APBB1: variants seen among roughly 807,000 people sequenced by gnomAD.
APBB1 encodes the protein adaptor protein FE65a2.
A neutral mutation model predicts 78.4 loss-of-function variants in APBB1; 22 were observed. The ratio of observed to expected loss-of-function variants is 0.28; its 90% confidence interval spans 0.20 to 0.40. The LOEUF (loss-of-function observed/expected upper bound fraction) is 0.40, where lower values mean the gene tolerates loss of function less well. Among genes scored for constraint, APBB1 ranks in the 10% least tolerant of loss-of-function variants. The pLI is 1.00. For missense variants in APBB1, 749 were observed against 932.4 expected, an observed-to-expected ratio of 0.80 and a Z score of 2.56; for synonymous variants, 369 against 372.7, an observed-to-expected ratio of 0.99 and a Z score of 0.12.
At position 6,395,968 on chromosome 11, in the gene APBB1, TGGAG is replaced by T; in HGVS notation, c.1789-10_1789-7del. On this transcript the variant is annotated splice_polypyrimidine_tract_variant and splice_region_variant and intron_variant, in intron 13 of 14. Transcript: ENST00000609360. The surrounding 1 kb of genome is among the most constrained non-coding windows in gnomAD (Gnocchi z 5.2). The stretch of plus-strand genomic sequence containing the variant: ...TCTCCCAGCACTGCCTCTGTCTGCA[TGGAG>T]GGAACTCAGTTAAAAAGGAACACCA... 2 of 1,613,286 alleles carry T rather than the reference TGGAG, an allele frequency of 1.2e-6. No homozygotes were observed. Among genetic ancestry groups the T allele is most frequent in the Non-Finnish European group, 1.7e-6 (2 of 1,179,452 alleles).
At chr11:6,413,373 G>C (rs755646249) in intron 1 of APBB1, among the ~76,000 whole-genome samples, 2 of 152,146 alleles carry the variant, frequency 1.3e-5, no homozygotes, top group Non-Finnish European at 2.9e-5. Context: ...TGTCTTATCT[G>C]AGAGTTCCCT....
intron 1 of APBB1, among the ~76,000 whole-genome samples, chr11:6,417,248 G>A (rs949411158): frequency 2.0e-5 from 3 of 152,110 alleles, no homozygotes; most frequent in Non-Finnish European, 2.9e-5. Context: ...TCTCTAAGCT[G>A]AATTAACTTC....
At chr11:6,406,570 T>A (rs960836672) in intron 2 of APBB1, among the ~76,000 whole-genome samples, 1 of 152,188 alleles carries the variant, frequency 6.6e-6, no homozygotes, top group Non-Finnish European at 1.5e-5. Context: ...GCCCTCAGGA[T>A]AAAGTCCAAA....
chr11:6,413,813 T>C (rs1034818394), intron 1 of APBB1, among the ~76,000 whole-genome samples: 3 of 152,112 alleles, frequency 2.0e-5, no homozygotes, highest in African/African-American at 4.8e-5. Flanking sequence ...CAGACACTAG[T>C]GCTATGCTAC....
At chr11:6,406,021 T>C (rs1387848431) in intron 2 of APBB1, among the ~76,000 whole-genome samples, 2 of 152,186 alleles carry the variant, frequency 1.3e-5, no homozygotes, top group African/African-American at 2.4e-5. Context: ...CCTGTCAGCC[T>C]GTACCTTCCT....
intron 2 of APBB1, among the ~76,000 whole-genome samples, chr11:6,406,196 T>A (rs1278811098): frequency 1.3e-5 from 2 of 152,148 alleles, no homozygotes; most frequent in Non-Finnish European, 2.9e-5. Flanking sequence ...ACACCTTCAC[T>A]CCTGCATCGA....
In APBB1 at chr11:6,401,322, C is replaced by T. The variant is rs753227028; in HGVS notation, c.1588+23G>A. The T allele has an allele frequency of 1.4e-5, 23 of 1,613,942 alleles. No homozygotes were observed. The Admixed American group carries it at 3.8e-4, about 27-fold the overall frequency. Reference sequence around the variant, plus strand: ...CCTTTGCCAACAAAGCTGAGCTGGACCTGGAGGGGTTTTGACACTGACCTT... The same window carrying T: ...CCTTTGCCAACAAAGCTGAGCTGGATCTGGAGGGGTTTTGACACTGACCTT... On this transcript the variant is annotated intron_variant, in intron 11 of 14. Coordinates refer to ENST00000609360, the MANE Select transcript of APBB1 (RefSeq NM_001164.5). The surrounding 1 kb of genome is among the most constrained non-coding windows in gnomAD (Gnocchi z 4.5).
intron 2 of APBB1, among the ~76,000 whole-genome samples, chr11:6,406,183 C>A (rs978220088): frequency 1.3e-5 from 2 of 152,214 alleles, no homozygotes; most frequent in Non-Finnish European, 2.9e-5. Flanking sequence ...TATTCCAGAA[C>A]GCACACCTTC....
chr11:6,404,748 C>T lies in APBB1; in HGVS notation c.722-926G>A, dbSNP rs1051976427. On this transcript the variant is annotated intron_variant, in intron 2 of 14. Coordinates refer to ENST00000609360, the MANE Select transcript of APBB1 (RefSeq NM_001164.5). ...CCAACCTCATGCTGCCCCTCACCTG[C>T]GCTGCTGTCCTGCAGGATAATGGCC... 3.6e-5 allele frequency: 56 copies of T among 1,536,238 alleles called. No individual in the cohort carries two copies. The African/African-American group carries it at 5.8e-4, about 16-fold the overall frequency.
At position 6,414,395 on chromosome 11, in the gene APBB1, T is replaced by C. The variant is rs544946095; in HGVS notation, c.-14-3034A>G. On this transcript the variant is annotated intron_variant, in intron 1 of 14. Transcript: ENST00000609360. The stretch of plus-strand genomic sequence containing the variant: ...TCACAACACCCAGAACCACATTCTA[T>C]CAGAATATCTGAGACGGTGTCTTAT... Among the ~76,000 whole-genome samples the C allele has an allele frequency of 4.6e-5, 7 of 152,306 alleles. No homozygotes were observed. The South Asian group carries it at 1.5e-3, about 32-fold the overall frequency.
chr11:6,413,897 T>C (rs1849048800), intron 1 of APBB1, among the ~76,000 whole-genome samples: 1 of 152,164 alleles, frequency 6.6e-6, no homozygotes, highest in South Asian at 2.1e-4. Flanking sequence ...CTGCTCAGTG[T>C]GACTCCTCCT....
chr11:6,400,880 G>A, intron 12 of APBB1, 109 bp downstream of exon 12: 4 of 1,010,404 alleles, frequency 4.0e-6, no homozygotes, highest in Non-Finnish European at 6.3e-6. Context: ...AGGGTAGGGA[G>A]ACACCAAGCA....
intron 2 of APBB1, among the ~76,000 whole-genome samples, chr11:6,410,097 G>A (rs1157082879): frequency 1.3e-5 from 2 of 151,254 alleles, no homozygotes; most frequent in African/African-American, 4.9e-5. Flanking sequence ...AAAAAAAAAC[G>A]GGGCCGACTG....
Position 6,401,161 on chromosome 11 carries a change from G to A in APBB1, c.1589-89C>T, listed in dbSNP as rs1206993384. On this transcript the variant is annotated intron_variant, in intron 11 of 14. Transcript: ENST00000609360. This position sits in a 1 kb window ranked among gnomAD's most constrained non-coding sequence, Gnocchi z 4.5. ...AGGGCATAAGCTGGACACTTGCCCA[G>A]CCGAGGCCCTACTTTCATCTCGTCC... 1.9e-6 allele frequency: 3 copies of A among 1,613,134 alleles called. No individual in the cohort carries two copies. The East Asian group carries it at 6.7e-5, about 36-fold the overall frequency.
In APBB1 at chr11:6,403,469, A is replaced by G. The variant is rs375910143; in HGVS notation, c.954+19T>C. The G allele has an allele frequency of 6.2e-7, 1 of 1,614,080 alleles. No individual in the cohort carries two copies. Among genetic ancestry groups the G allele is most frequent in the Non-Finnish European group, 8.5e-7 (1 of 1,180,026 alleles). On this transcript the variant is annotated intron_variant, in intron 4 of 14. Transcript: ENST00000609360. The surrounding 1 kb of genome is among the most constrained non-coding windows in gnomAD (Gnocchi z 5.3). ...CCCTCCTCCAGCTATCCCGTGGTAA[A>G]GCAGGTCCCCTTACCCACCTTCCAA...
chr11:6,407,511 T>G (rs1052922440), intron 2 of APBB1, among the ~76,000 whole-genome samples: 5 of 152,246 alleles, frequency 3.3e-5, no homozygotes, highest in African/African-American at 1.2e-4. Context: ...AGATAGATTG[T>G]GTGTGGCCTG....
At chr11:6,396,581 A>C (rs568744022) in intron 12 of APBB1, 2 of 264,838 alleles carry the variant, frequency 7.6e-6, no homozygotes, top group East Asian at 1.3e-4. Flanking sequence ...ATAACTCCCA[A>C]ATCAGACCCT....
intron 2 of APBB1, chr11:6,404,122 A>G (rs1016524183): frequency 5.1e-6 from 2 of 389,092 alleles, no homozygotes; most frequent in South Asian, 7.0e-5. Flanking sequence ...GGTGACCCCA[A>G]TTAACCTCCT....
Position 6,401,965 on chromosome 11 carries a change from T to C in APBB1, c.1388+12A>G. On this transcript the variant is annotated intron_variant, in intron 9 of 14. Transcript: ENST00000609360. The surrounding 1 kb of genome is among the most constrained non-coding windows in gnomAD (Gnocchi z 4.5). ...TGGTCCAGGTGTAGGAGGGGGAAAATAGGCATAGTACCTCTCTCTGGGTCC... is the reference window on the plus strand; with the variant it reads ...TGGTCCAGGTGTAGGAGGGGGAAAACAGGCATAGTACCTCTCTCTGGGTCC... 6.4e-7 allele frequency: 1 copy of C among 1,557,472 alleles called. No homozygotes were observed. Among genetic ancestry groups the C allele is most frequent in the Non-Finnish European group, 8.7e-7 (1 of 1,152,552 alleles).
Sources: gnomAD v4.1 joint callset for allele counts (sites outside exome capture counted in the v4.1 genomes callset) on GRCh38, gnomAD v4.1.1 for gene constraint, Gnocchi (gnomAD v3.1) non-coding constraint, MANE v1.5 for transcripts, NCBI Gene and HGNC (gene_info 2026-07-23, HGNC 2026-07-21) for gene names.